The following SCAPER variants were observed in gnomAD, a reference collection of about 807,000 sequenced individuals.
SCAPER encodes the protein S phase cyclin A-associated protein in the endoplasmic reticulum.
Under a neutral mutation model 182.2 loss-of-function variants are expected in SCAPER, and 98 were observed. The ratio of observed to expected loss-of-function variants is 0.54; its 90% CI spans 0.46 to 0.64. SCAPER has a LOEUF of 0.64. Ranked by LOEUF, SCAPER falls within the 30% of genes least tolerant of loss-of-function variation. The probability of loss-of-function intolerance (pLI) is 0.00; values close to 1 mark genes in which losing one functional copy is unlikely to be tolerated. For synonymous variants in SCAPER, 605 were observed against 564.6 expected, an observed-to-expected ratio of 1.07 and a Z score of -1.01; for missense variants, 1,432 against 1,690.0, an observed-to-expected ratio of 0.85 and a Z score of 2.68.
intron 20 of SCAPER, among the ~76,000 whole-genome samples, chr15:76,699,517 C>T (rs1055973302): frequency 2.6e-5 from 4 of 152,060 alleles, no homozygotes; most frequent in Non-Finnish European, 5.9e-5. Flanking sequence ...TTGGATGAGG[C>T]TTTTTGTTTT....
chr15:76,752,097 G>C lies in SCAPER; in HGVS notation c.1866+1711C>G, dbSNP rs376484898. Among the ~76,000 whole-genome samples, 31 of 149,542 alleles carry C rather than the reference G, an allele frequency of 2.1e-4. 1 individual carries two copies. In the East Asian group the frequency reaches 3.1e-3, roughly 15 times the overall value. ...GATTTGAACAGACATTTCTCCAAGA[G>C]GATATACAAATGGCCAATAAGCACA... On this transcript the variant is annotated intron_variant, in intron 15 of 31. Coordinates refer to ENST00000563290, the MANE Select transcript of SCAPER (RefSeq NM_020843.4).
At chr15:76,712,338 T>C (rs547873222) in intron 17 of SCAPER, among the ~76,000 whole-genome samples, 4 of 152,328 alleles carry the variant, frequency 2.6e-5, no homozygotes, top group African/African-American at 7.2e-5. Flanking sequence ...TTGGTTATCA[T>C]AGCCTTGTAG....
At chr15:76,900,103 C>A (rs1409353598) in intron 1 of SCAPER, among the ~76,000 whole-genome samples, 2 of 151,998 alleles carry the variant, frequency 1.3e-5, no homozygotes, top group Non-Finnish European at 1.5e-5. Context: ...TTAAGGGCGG[C>A]GCAAGATGTG....
chr15:76,676,045 G>A (rs368851018), intron 20 of SCAPER, among the ~76,000 whole-genome samples: 4 of 152,188 alleles, frequency 2.6e-5, no homozygotes, highest in South Asian at 2.1e-4. Context: ...GGCTGGTCTC[G>A]AACTCCTGAC....
At chr15:76,616,308 A>T (rs2051480042) in intron 22 of SCAPER, among the ~76,000 whole-genome samples, 1 of 152,226 alleles carries the variant, frequency 6.6e-6, no homozygotes, top group South Asian at 2.1e-4. Context: ...GAATATTCTT[A>T]TCCTTGGTGC....
intron 23 of SCAPER, among the ~76,000 whole-genome samples, chr15:76,554,788 C>CT (rs71143339): frequency 0.17 from 12,338 of 71,062 alleles, 589 homozygotes; most frequent in Non-Finnish European, 0.27. Context: ...ATTCAGCATT[C>CT]TTTTTTTTTT....
chr15:76,414,575 A>G (rs2045526431), intron 26 of SCAPER, among the ~76,000 whole-genome samples: 1 of 152,076 alleles, frequency 6.6e-6, no homozygotes, highest in Admixed American at 6.6e-5. Flanking sequence ...AAAGTGCTTC[A>G]AGGAAAAAAA....
intron 1 of SCAPER, among the ~76,000 whole-genome samples, chr15:76,891,574 C>A (rs948977965): frequency 6.6e-6 from 1 of 152,048 alleles, no homozygotes; most frequent in Non-Finnish European, 1.5e-5. Flanking sequence ...TTGCTACAAA[C>A]AGAATAAAAT....
intron 23 of SCAPER, among the ~76,000 whole-genome samples, chr15:76,531,343 A>G (rs1385224141): frequency 1.3e-5 from 2 of 152,270 alleles, no homozygotes; most frequent in Admixed American, 1.3e-4. Context: ...CGTATCTGAG[A>G]CTGAAACATA....
intron 6 of SCAPER, among the ~76,000 whole-genome samples, 187 bp from the exon 7 acceptor site, chr15:76,800,551 G>C (rs564916336): frequency 6.6e-6 from 1 of 152,292 alleles, no homozygotes; most frequent in East Asian, 1.9e-4. Context: ...CTATCAGTGA[G>C]AAATCATAGT....
chr15:76,774,720 A>T, intron 9 of SCAPER, 135 bp downstream of exon 9: 1 of 847,458 alleles, frequency 1.2e-6, no homozygotes, highest in Non-Finnish European at 1.8e-6. Flanking sequence ...TATTCTTGCC[A>T]CTTTTCTGTA....
chr15:76,376,098 A>G, intron 29 of SCAPER, 64 bp downstream of exon 29: 1 of 1,580,092 alleles, frequency 6.3e-7, no homozygotes, highest in Non-Finnish European at 8.6e-7. Context: ...GCCTTTTCTC[A>G]TTCCAATACC....
chr15:76,361,563 A>C (rs2041422069), intron 29 of SCAPER, among the ~76,000 whole-genome samples: 1 of 152,244 alleles, frequency 6.6e-6, no homozygotes, highest in Admixed American at 6.5e-5. Context: ...TGAAATCAGC[A>C]ATTAGAAAAG....
intron 28 of SCAPER, among the ~76,000 whole-genome samples, chr15:76,377,149 A>G (rs2042629343): frequency 6.6e-6 from 1 of 152,226 alleles, no homozygotes; most frequent in Admixed American, 6.5e-5. Context: ...TTGAGGTCTT[A>G]GTGGGCTTGA....
intron 23 of SCAPER, among the ~76,000 whole-genome samples, chr15:76,550,806 C>T (rs1292858360): frequency 1.3e-5 from 2 of 151,964 alleles, no homozygotes; most frequent in African/African-American, 2.4e-5. Flanking sequence ...TTTACATTTC[C>T]ACCAACAGTG....
At chr15:76,540,256 G>A (rs2044611147) in intron 23 of SCAPER, among the ~76,000 whole-genome samples, 1 of 151,792 alleles carries the variant, frequency 6.6e-6, no homozygotes, top group South Asian at 2.1e-4. Context: ...AAAAATATTA[G>A]ATGGGTATGG....
At chr15:76,605,931 C>G (rs986337438) in intron 22 of SCAPER, among the ~76,000 whole-genome samples, 1 of 152,088 alleles carries the variant, frequency 6.6e-6, no homozygotes, top group African/African-American at 2.4e-5. Flanking sequence ...ATTAGTCTTG[C>G]TAGCGGTCTA....
chr15:76,600,819 A>G lies in SCAPER; in HGVS notation c.2711+20945T>C, dbSNP rs1466584852. Among the ~76,000 whole-genome samples the G allele has an allele frequency of 4.1e-5, 5 of 121,766 alleles. 1 individual carries two copies. Among genetic ancestry groups the G allele is most frequent in the Non-Finnish European group, 6.0e-5 (3 of 50,194 alleles). 79.9% of individuals were successfully genotyped at this position (121,766 alleles called of 152,430 possible). On this transcript the variant is annotated intron_variant, in intron 22 of 31. Coordinates refer to ENST00000563290, the MANE Select transcript of SCAPER (RefSeq NM_020843.4). ...AGAATAAAATACCAATTATGTGGAG[A>G]TGAATAAAAACAAAAACACTCTCTA...
intron 23 of SCAPER, among the ~76,000 whole-genome samples, chr15:76,547,737 T>C (rs935776756): frequency 1.3e-5 from 2 of 152,130 alleles, no homozygotes; most frequent in Non-Finnish European, 2.9e-5. Flanking sequence ...ATGTATGTTG[T>C]ATATATACAC....
Sources: gnomAD v4.1 joint callset for allele counts (sites outside exome capture counted in the v4.1 genomes callset) on GRCh38, gnomAD v4.1.1 for gene constraint, MANE v1.5 for transcripts, NCBI Gene and HGNC (gene_info 2026-07-23, HGNC 2026-07-21) for gene names.